Variants in SLC5A9 observed in about 807,000 individuals in gnomAD.
SLC5A9 encodes sodium/glucose cotransporter 4.
SLC5A9 carries 59 observed loss-of-function variants against 70.9 expected under a neutral mutation model. The observed-to-expected ratio is 0.83, with a 90% confidence interval of 0.68 to 1.03. The LOEUF is 1.03. Ranked by LOEUF, SLC5A9 falls within the 50% of genes least tolerant of loss-of-function variation. The pLI is 0.00. For synonymous variants in SLC5A9, 340 were observed against 346.5 expected, an observed-to-expected ratio of 0.98 and a Z score of 0.21; for missense variants, 832 against 881.1, an observed-to-expected ratio of 0.94 and a Z score of 0.71.
At chr1:48,243,729 A>G (rs1361374840) in intron 13 of SLC5A9, among the ~76,000 whole-genome samples, 5 of 152,294 alleles carry the variant, frequency 3.3e-5, no homozygotes, top group African/African-American at 4.8e-5. Context: ...AATAAAAGTA[A>G]AAGAAAAAAA....
At chr1:48,225,362 C>A (rs1336866645) in intron 2 of SLC5A9, among the ~76,000 whole-genome samples, 1 of 151,942 alleles carries the variant, frequency 6.6e-6, no homozygotes, top group Non-Finnish European at 1.5e-5. Context: ...CACCACATTT[C>A]TAAGTTAGGG....
Position 48,235,884 on chromosome 1 carries a change from G to T in SLC5A9, c.1292+5G>T. 1 of 1,614,062 alleles carries T rather than the reference G, an allele frequency of 6.2e-7. No individual in the cohort carries two copies. The highest frequency in any genetic ancestry group is 8.5e-7 in the Non-Finnish European group (1 of 1,179,980). ...GGAGCTGATGGTGGTGGGCAGGTGC[G>T]CCGGCCCCTCCTTCCCTCCTTCCGA... On this transcript the variant is annotated splice_donor_5th_base_variant and intron_variant, in intron 10 of 13. Transcript: ENST00000438567.
chr1:48,230,746 G>A (rs781632155), intron 5 of SLC5A9, 41 bp downstream of exon 5: 4 of 1,460,968 alleles, frequency 2.7e-6, no homozygotes, highest in African/African-American at 2.8e-5. Context: ...CTTCTGACTG[G>A]CAGAGACCCA....
chr1:48,232,281 C>A, intron 7 of SLC5A9, 86 bp from the exon 8 acceptor site: 1 of 1,568,868 alleles, frequency 6.4e-7, no homozygotes. Context: ...AGTAGGGACA[C>A]AGTCATGCCC....
chr1:48,239,182 A>G lies in SLC5A9; in HGVS notation c.1462-140A>G, dbSNP rs923631876. 4.6e-6 allele frequency: 3 copies of G among 645,978 alleles called. No individual in the cohort carries two copies. The highest frequency in any genetic ancestry group is 5.7e-5 in the Admixed American group (2 of 35,124). The allele number at this position is 645,978 out of a possible 1,614,324, so 40.0% of individuals were successfully genotyped here. Reference sequence around the variant, plus strand: ...GACGAAGTCTCAGTATTAATGGAGAACTCATTTTCCCATTAGTAGATGGAT... The same window carrying G: ...GACGAAGTCTCAGTATTAATGGAGAGCTCATTTTCCCATTAGTAGATGGAT... On this transcript the variant is annotated intron_variant, in intron 11 of 13. Coordinates refer to ENST00000438567, the MANE Select transcript of SLC5A9 (RefSeq NM_001011547.3). This position sits in a 1 kb window ranked among gnomAD's most constrained non-coding sequence, Gnocchi z 4.2.
At chr1:48,244,878 G>GTGTGTATATATATATATATATA (rs1391896495) in intron 13 of SLC5A9, among the ~76,000 whole-genome samples, 643 of 29,402 alleles carry the variant, frequency 0.022, 181 homozygotes, top group Admixed American at 0.037. Context: ...ATGTGTATGT[G>GTGTGTATATATATATATATATA]TATATATATA....
At chr1:48,237,619 AC>A (rs1412526885) in intron 10 of SLC5A9, 59 bp from the exon 11 acceptor site, 9 of 1,548,234 alleles carry the variant, frequency 5.8e-6, no homozygotes, top group Non-Finnish European at 7.9e-6. Context: ...CATCACCTTC[AC>A]CCCACACCAC....
intron 2 of SLC5A9, among the ~76,000 whole-genome samples, chr1:48,226,594 A>T (rs1644150055): frequency 6.6e-6 from 1 of 151,900 alleles, no homozygotes; most frequent in African/African-American, 2.4e-5. Flanking sequence ...GCACTGCTGG[A>T]GTGTTTGTCT....
intron 13 of SLC5A9, among the ~76,000 whole-genome samples, chr1:48,245,782 A>C (rs1644454256): frequency 6.6e-6 from 1 of 151,980 alleles, no homozygotes; most frequent in Admixed American, 6.5e-5. Context: ...GCAACATGGC[A>C]AAACCCCATA....
At chr1:48,247,281 C>T (rs1159943177) in intron 13 of SLC5A9, 54 bp from the exon 14 acceptor site, 1 of 1,547,708 alleles carries the variant, frequency 6.5e-7, no homozygotes, top group Non-Finnish European at 8.9e-7. Context: ...TTTCTCCAAT[C>T]TTCTTTGCCT....
chr1:48,229,060 GT>G (rs781177183), intron 3 of SLC5A9, 106 bp downstream of exon 3: 65 of 1,613,830 alleles, frequency 4.0e-5, no homozygotes, highest in Non-Finnish European at 3.9e-5. Flanking sequence ...AGGCTACATG[GT>G]GAATCGAGAA....
At chr1:48,231,729 C>G in intron 6 of SLC5A9, 104 bp downstream of exon 6, 1 of 1,532,012 alleles carries the variant, frequency 6.5e-7, no homozygotes, top group Admixed American at 2.0e-5. Flanking sequence ...TGCATAGAGC[C>G]ATGTGAGCCA....
chr1:48,246,944 T>TCAAA (rs1384184647), intron 13 of SLC5A9, among the ~76,000 whole-genome samples: 1 of 152,240 alleles, frequency 6.6e-6, no homozygotes, highest in Non-Finnish European at 1.5e-5. Context: ...TCTGTCTGGT[T>TCAAA]CAAACACTTC....
Position 48,228,922 on chromosome 1 carries a change from G to A in SLC5A9, c.307G>A (p.Gly103Arg), listed in dbSNP as rs61746559. The change falls in exon 3 of 14, where the codon GGA becomes AGA. Residue 103 changes from glycine to arginine, a missense_variant. Gly to Arg is a moderately radical substitution (Grantham distance 125, BLOSUM62 -2). Coordinates refer to ENST00000438567, the MANE Select transcript of SLC5A9 (RefSeq NM_001011547.3). ...FIGLAGTGAA[G>R]GLAVGGFEWN... ...CGGCCTGGCTGGGACAGGGGCTGCCGGAGGCCTTGCCGTAGGTGGCTTCGA... is the reference window on the plus strand; with the variant it reads ...CGGCCTGGCTGGGACAGGGGCTGCCAGAGGCCTTGCCGTAGGTGGCTTCGA... The A allele has an allele frequency of 0.015, 24,549 of 1,613,406 alleles. 1,040 individuals are homozygous for A. The East Asian group carries it at 0.18, about 12-fold the overall frequency.
In SLC5A9 at chr1:48,247,160, G is replaced by A. The variant is rs574757932; in HGVS notation, c.1838-175G>A. ...CAGCTCAGCACCCAGTCTGTGGTTT[G>A]CAGAAAGTACAAGTCTATGGCTTCA... is the stretch of plus-strand genomic sequence containing the variant. On this transcript the variant is annotated intron_variant, in intron 13 of 13. Coordinates refer to ENST00000438567, the MANE Select transcript of SLC5A9 (RefSeq NM_001011547.3). 7.9e-5 allele frequency among the ~76,000 whole-genome samples: 12 copies of A among 152,264 alleles called. No homozygotes were observed. The South Asian group carries it at 2.5e-3, about 32-fold the overall frequency.
Position 48,248,351 on chromosome 1 carries a change from G to A in SLC5A9, c.*808G>A, listed in dbSNP as rs1003755136. The A allele has an allele frequency of 1.3e-5, 2 of 152,378 alleles. No individual in the cohort carries two copies. Among genetic ancestry groups the A allele is most frequent in the African/African-American group, 4.8e-5 (2 of 41,444 alleles). 9.4% of individuals were successfully genotyped at this position (152,378 alleles called of 1,614,324 possible). A position where few individuals can be genotyped will look rare whatever the true frequency, so the allele number is the denominator to read the frequency against. ...CACAGCGGGCAGCACAAACAGCCTG[G>A]GAGCCACTGTGCCTGTGCTTCTCTG... On this transcript the variant is annotated 3_prime_UTR_variant, in exon 14 of 14. Coordinates refer to ENST00000438567, the MANE Select transcript of SLC5A9 (RefSeq NM_001011547.3).
At position 48,232,151 on chromosome 1, in the gene SLC5A9, G is replaced by C. The variant is rs759851385; in HGVS notation, c.897G>C (p.Gln299His). The change falls in exon 7 of 14, where the codon CAG becomes CAC. Residue 299 changes from glutamine to histidine, a missense_variant and splice_region_variant. Physicochemically the swap from Gln to His is conservative, Grantham distance 24. Transcript: ENST00000438567. ...CCACCTGGTGTTGGTGCACAGACCA[G>C]GTAATCCCCCAGCCAGGCTTAGCCC... is the stretch of plus-strand genomic sequence containing the variant. The part of the protein sequence containing the change: ...VLATWCWCTD[Q>H]VIVQRSLSAK... 4 of 1,608,430 alleles carry C rather than the reference G, an allele frequency of 2.5e-6. No homozygotes were observed. In the East Asian group the frequency reaches 8.9e-5, roughly 36 times the overall value.
rs914648740 is a variant in SLC5A9 at position 48,243,928 on chromosome 1, C to G, written c.1837+1312C>G. Reference sequence around the variant, plus strand: ...CAAGTAGATGAATAAGACATTGTCTCTGTCCCCAAGGAGGTGAGAATCTCT... The same window carrying G: ...CAAGTAGATGAATAAGACATTGTCTGTGTCCCCAAGGAGGTGAGAATCTCT... On this transcript the variant is annotated intron_variant, in intron 13 of 13. Coordinates refer to ENST00000438567, the MANE Select transcript of SLC5A9 (RefSeq NM_001011547.3). Among the ~76,000 whole-genome samples the G allele has an allele frequency of 1.4e-4, 22 of 152,166 alleles. No individual in the cohort carries two copies. The East Asian group carries it at 4.0e-3, about 28-fold the overall frequency.
At chr1:48,234,975 G>C (rs971603573) in intron 9 of SLC5A9, among the ~76,000 whole-genome samples, 1 of 152,158 alleles carries the variant, frequency 6.6e-6, no homozygotes, top group African/African-American at 2.4e-5. Context: ...TCAAGGGAGA[G>C]AGGGGGACAT....
Sources: gnomAD v4.1 joint callset for allele counts (sites outside exome capture counted in the v4.1 genomes callset) on GRCh38, gnomAD v4.1.1 for gene constraint, Gnocchi (gnomAD v3.1) non-coding constraint, MANE v1.5 for transcripts, NCBI Gene and HGNC (gene_info 2026-07-23, HGNC 2026-07-21) for gene names.